RHOBTB1: variants seen among roughly 807,000 people sequenced by gnomAD.
RHOBTB1 encodes the protein rho-related BTB domain-containing protein 1.
RHOBTB1 carries 40 observed loss-of-function variants against 71.6 expected under a neutral mutation model. The observed-to-expected ratio is 0.56, with a 90% confidence interval of 0.43 to 0.73. RHOBTB1 has a LOEUF of 0.73. Ranked by LOEUF, RHOBTB1 falls within the 30% of genes least tolerant of loss-of-function variation. The probability of loss-of-function intolerance (pLI) is 0.00; values close to 1 mark genes in which losing one functional copy is unlikely to be tolerated. For missense variants in RHOBTB1, 797 were observed against 894.0 expected, an observed-to-expected ratio of 0.89 and a Z score of 1.38; for synonymous variants, 319 against 334.9, an observed-to-expected ratio of 0.95 and a Z score of 0.52.
At chr10:60,938,395 C>T (rs980259987) in intron 2 of RHOBTB1, among the ~76,000 whole-genome samples, 1 of 152,160 alleles carries the variant, frequency 6.6e-6, no homozygotes, top group African/African-American at 2.4e-5. Context: ...GACTGTGTCA[C>T]TTATTAACTA....
intron 9 of RHOBTB1, among the ~76,000 whole-genome samples, chr10:60,873,507 C>T (rs2132211609): frequency 6.6e-6 from 1 of 152,272 alleles, no homozygotes. Context: ...ATATTATTTC[C>T]TTGTAGTGGG....
chr10:60,905,472 A>AT (rs2082629024), intron 4 of RHOBTB1, among the ~76,000 whole-genome samples: 1 of 151,428 alleles, frequency 6.6e-6, no homozygotes, highest in African/African-American at 2.4e-5. Context: ...AAAAAAAAAA[A>AT]AAATTCAAAT....
chr10:60,965,839 G>C (rs1480167360), intron 2 of RHOBTB1, among the ~76,000 whole-genome samples: 1 of 152,034 alleles, frequency 6.6e-6, no homozygotes, highest in Non-Finnish European at 1.5e-5. Flanking sequence ...CAGGACATCT[G>C]ATAGGACATT....
At chr10:60,920,198 G>A (rs1286656790) in intron 2 of RHOBTB1, among the ~76,000 whole-genome samples, 1 of 152,212 alleles carries the variant, frequency 6.6e-6, no homozygotes, top group Non-Finnish European at 1.5e-5. Context: ...AGCACTGAAT[G>A]AGTGCCAGGC....
chr10:60,868,150 T>C (rs930309089), downstream of RHOBTB1, among the ~76,000 whole-genome samples: 5 of 152,182 alleles, frequency 3.3e-5, no homozygotes, highest in Non-Finnish European at 7.3e-5. Context: ...AAATGCATTC[T>C]CTCTGGCTAA....
intron 7 of RHOBTB1, among the ~76,000 whole-genome samples, chr10:60,883,368 T>A (rs2081415914): frequency 6.6e-6 from 1 of 152,218 alleles, no homozygotes; most frequent in Non-Finnish European, 1.5e-5. Flanking sequence ...GTTTTTGTTT[T>A]GGTCACCTCT....
At chr10:60,957,783 C>T (rs1347452572) in intron 2 of RHOBTB1, among the ~76,000 whole-genome samples, 1 of 152,176 alleles carries the variant, frequency 6.6e-6, no homozygotes, top group Admixed American at 6.5e-5. Flanking sequence ...CACTCCATAG[C>T]TGACACACTG....
chr10:60,994,963 G>C, intron 1 of RHOBTB1, among the ~76,000 whole-genome samples: 1 of 151,634 alleles, frequency 6.6e-6, no homozygotes, highest in South Asian at 2.1e-4. Context: ...CATAATGAAA[G>C]ATGCGGCTAA....
In RHOBTB1 at chr10:60,989,526, C is replaced by T. The variant is rs549954943; in HGVS notation, c.-162-3581G>A. Among the ~76,000 whole-genome samples, 622 of 152,318 alleles carry T rather than the reference C, an allele frequency of 4.1e-3. 1 individual carries two copies. The highest frequency in any genetic ancestry group is 6.8e-3 in the Non-Finnish European group (462 of 68,032). ...CCAGTTGCCCGCTAATCTCTCACTT[C>T]CTCTTCATAGGCAAACTACTGCAAA... On this transcript the variant is annotated intron_variant, in intron 1 of 11. Coordinates refer to the RHOBTB1 transcript ENST00000357917.
At chr10:60,972,254 A>C (rs1353354724) in intron 2 of RHOBTB1, among the ~76,000 whole-genome samples, 1 of 152,214 alleles carries the variant, frequency 6.6e-6, no homozygotes, top group Non-Finnish European at 1.5e-5. Flanking sequence ...TTATTGTGGC[A>C]CTATTCACAA....
At chr10:60,985,714 A>G (rs2086640890) in intron 2 of RHOBTB1, 1 of 152,222 alleles carries the variant, frequency 6.6e-6, no homozygotes, top group South Asian at 2.1e-4. Context: ...TTTTTGTGAA[A>G]CATAATGAAG....
intron 2 of RHOBTB1, among the ~76,000 whole-genome samples, chr10:60,928,386 G>A (rs941909662): frequency 1.3e-5 from 2 of 152,062 alleles, no homozygotes; most frequent in East Asian, 1.9e-4. Flanking sequence ...CATGTTTACT[G>A]CAGCACTACT....
chr10:60,937,244 T>C (rs925145214), intron 2 of RHOBTB1, among the ~76,000 whole-genome samples: 1 of 152,122 alleles, frequency 6.6e-6, no homozygotes, highest in East Asian at 1.9e-4. Flanking sequence ...AGTGATGTAA[T>C]TTAGGCCAGG....
At chr10:60,920,643 T>C (rs990057410) in intron 2 of RHOBTB1, among the ~76,000 whole-genome samples, 7 of 150,324 alleles carry the variant, frequency 4.7e-5, no homozygotes, top group African/African-American at 9.9e-5. Context: ...TTTTAAGTTT[T>C]GTTTTGTTTT....
intron 2 of RHOBTB1, among the ~76,000 whole-genome samples, chr10:60,966,968 T>C (rs920489602): frequency 1.3e-5 from 2 of 151,872 alleles, no homozygotes; most frequent in African/African-American, 2.4e-5. Context: ...GACAAAGTTC[T>C]TGGGGAGAAA....
intron 2 of RHOBTB1, among the ~76,000 whole-genome samples, chr10:60,971,519 C>G (rs186621427): frequency 3.1e-4 from 47 of 152,216 alleles, no homozygotes; most frequent in African/African-American, 1.1e-3. Context: ...TGGACCCATT[C>G]CTTACACCTT....
chr10:60,913,623 T>A (rs2083109321), intron 2 of RHOBTB1, among the ~76,000 whole-genome samples: 1 of 152,164 alleles, frequency 6.6e-6, no homozygotes, highest in Non-Finnish European at 1.5e-5. Flanking sequence ...TGGTTGTCAC[T>A]TGGTGGGGGG....
At chr10:60,874,515 A>G (rs1417100492) in intron 9 of RHOBTB1, among the ~76,000 whole-genome samples, 1 of 152,230 alleles carries the variant, frequency 6.6e-6, no homozygotes, top group Non-Finnish European at 1.5e-5. Flanking sequence ...TTATGTTATT[A>G]CAATCTCAAT....
chr10:60,881,964 C>T (rs2081346333), intron 7 of RHOBTB1, among the ~76,000 whole-genome samples: 1 of 151,822 alleles, frequency 6.6e-6, no homozygotes, highest in South Asian at 2.1e-4. Flanking sequence ...ACATTAGGGA[C>T]CTTTAGAAAA....
Sources: gnomAD v4.1 joint callset for allele counts (sites outside exome capture counted in the v4.1 genomes callset) on GRCh38, gnomAD v4.1.1 for gene constraint, MANE v1.5 for transcripts, NCBI Gene and HGNC (gene_info 2026-07-23, HGNC 2026-07-21) for gene names.